Variants in NPSR1 observed in about 807,000 individuals in gnomAD.
NPSR1 encodes the protein neuropeptide S receptor.
Under a neutral mutation model 46.9 loss-of-function variants are expected in NPSR1, and 48 were observed. That is an observed-to-expected ratio of 1.02 (90% CI 0.81 to 1.30). NPSR1 has a LOEUF of 1.30. Ranked by LOEUF, NPSR1 falls within the 50% of genes most tolerant of loss-of-function variation. The probability of loss-of-function intolerance (pLI) is 0.00; values close to 1 mark genes in which losing one functional copy is unlikely to be tolerated. For missense variants in NPSR1, 450 were observed against 449.5 expected, an observed-to-expected ratio of 1.00 and a Z score of -0.01; for synonymous variants, 176 against 168.1, an observed-to-expected ratio of 1.05 and a Z score of -0.36.
At chr7:34,705,709 T>C (rs1794072424) in intron 2 of NPSR1, among the ~76,000 whole-genome samples, 1 of 152,204 alleles carries the variant, frequency 6.6e-6, no homozygotes, top group African/African-American at 2.4e-5. Flanking sequence ...ATCTATCTTC[T>C]TTTTATTGCA....
chr7:34,812,402 G>T (rs944756764), intron 4 of NPSR1, among the ~76,000 whole-genome samples: 1 of 152,186 alleles, frequency 6.6e-6, no homozygotes, highest in African/African-American at 2.4e-5. Flanking sequence ...ATGGGTCAGA[G>T]GGAAGGCTGA....
At chr7:34,797,396 G>A (rs769199626) in intron 3 of NPSR1, among the ~76,000 whole-genome samples, 9 of 152,190 alleles carry the variant, frequency 5.9e-5, no homozygotes, top group Non-Finnish European at 7.3e-5. Context: ...GCATGGAAGC[G>A]TGATGGTGAG....
chr7:34,873,488 G>C (rs945811408), intron 8 of NPSR1, among the ~76,000 whole-genome samples: 4 of 151,722 alleles, frequency 2.6e-5, no homozygotes, highest in African/African-American at 9.8e-5. Context: ...CATGGTGCTG[G>C]CACCCACCTC....
intron 4 of NPSR1, among the ~76,000 whole-genome samples, chr7:34,821,692 G>A (rs1468613080): frequency 1.3e-5 from 2 of 152,156 alleles, no homozygotes; most frequent in Non-Finnish European, 2.9e-5. Flanking sequence ...TTTGCTCGTG[G>A]AAAATATGTC....
At chr7:34,687,708 A>G (rs1793008429) in intron 2 of NPSR1, among the ~76,000 whole-genome samples, 1 of 152,194 alleles carries the variant, frequency 6.6e-6, no homozygotes, top group Non-Finnish European at 1.5e-5. Flanking sequence ...GAGTCAAACC[A>G]TATCATATAT....
intron 3 of NPSR1, among the ~76,000 whole-genome samples, chr7:34,786,810 G>A (rs112070805): frequency 7.2e-5 from 11 of 152,224 alleles, no homozygotes; most frequent in African/African-American, 2.6e-4. Flanking sequence ...TTTTTTCTGA[G>A]CAGTAGATAT....
intron 8 of NPSR1, among the ~76,000 whole-genome samples, chr7:34,858,741 T>A (rs1187466038): frequency 6.6e-6 from 1 of 151,606 alleles, no homozygotes; most frequent in Non-Finnish European, 1.5e-5. Context: ...CCATCAGATC[T>A]CGTAAGACCC....
chr7:34,851,353 G>A (rs1466662646), downstream of NPSR1, among the ~76,000 whole-genome samples: 2 of 150,648 alleles, frequency 1.3e-5, no homozygotes, highest in Non-Finnish European at 3.0e-5. Flanking sequence ...CTGACCTTAG[G>A]GAAAGTATCT....
At chr7:34,839,311 T>G (rs575375089) in intron 6 of NPSR1, among the ~76,000 whole-genome samples, 21 of 152,308 alleles carry the variant, frequency 1.4e-4, no homozygotes, top group Middle Eastern at 3.4e-3. Context: ...ATTGAAACAT[T>G]TTATTGAGCT....
At chr7:34,780,428 CT>C in intron 3 of NPSR1, among the ~76,000 whole-genome samples, 1 of 152,146 alleles carries the variant, frequency 6.6e-6, no homozygotes, top group African/African-American at 2.4e-5. Context: ...TAAAATATAT[CT>C]TTTGACATAG....
intron 2 of NPSR1, among the ~76,000 whole-genome samples, chr7:34,739,695 A>C (rs1016908406): frequency 2.6e-5 from 4 of 152,168 alleles, no homozygotes; most frequent in African/African-American, 9.7e-5. Context: ...CTAGCCACCG[A>C]GCAGGTCTAC....
chr7:34,715,455 C>A (rs917676774), intron 2 of NPSR1, among the ~76,000 whole-genome samples: 9 of 152,234 alleles, frequency 5.9e-5, no homozygotes, highest in African/African-American at 2.2e-4. Flanking sequence ...ACAGAACCTT[C>A]TGTCTGGCCT....
intron 1 of NPSR1, among the ~76,000 whole-genome samples, chr7:34,665,160 C>T (rs888962973): frequency 1.1e-4 from 16 of 152,136 alleles, no homozygotes; most frequent in Non-Finnish European, 2.4e-4. Flanking sequence ...TGATTTTGGT[C>T]TGGATAGGTT....
intron 8 of NPSR1, among the ~76,000 whole-genome samples, chr7:34,868,186 G>A (rs1488147822): frequency 1.3e-5 from 2 of 151,658 alleles, no homozygotes; most frequent in Non-Finnish European, 2.9e-5. Flanking sequence ...GGAATGTGGG[G>A]ATGTAGACCC....
intron 2 of NPSR1, among the ~76,000 whole-genome samples, chr7:34,728,328 C>T (rs1784260342): frequency 6.6e-6 from 1 of 152,168 alleles, no homozygotes; most frequent in Non-Finnish European, 1.5e-5. Flanking sequence ...AGAACATCCT[C>T]CCAATCTATT....
intron 1 of NPSR1, among the ~76,000 whole-genome samples, chr7:34,676,852 G>A (rs1431616322): frequency 6.6e-6 from 1 of 152,070 alleles, no homozygotes; most frequent in Non-Finnish European, 1.5e-5. Context: ...AGTAAGGTGA[G>A]ATTATCTTCC....
chr7:34,683,472 A>C (rs988338742), intron 1 of NPSR1, among the ~76,000 whole-genome samples: 1 of 152,096 alleles, frequency 6.6e-6, no homozygotes, highest in East Asian at 1.9e-4. Context: ...ATTTCTTAGA[A>C]GGACTGTCAG....
intron 2 of NPSR1, among the ~76,000 whole-genome samples, chr7:34,717,783 T>C (rs1783652603): frequency 6.6e-6 from 1 of 152,182 alleles, no homozygotes; most frequent in African/African-American, 2.4e-5. Context: ...AGCTAATCAG[T>C]GTGCAAATTC....
At chr7:34,783,677 A>C (rs980289312) in intron 3 of NPSR1, among the ~76,000 whole-genome samples, 2 of 152,166 alleles carry the variant, frequency 1.3e-5, no homozygotes, top group Non-Finnish European at 2.9e-5. Context: ...GTTTCTAATC[A>C]GATTTAATGA....
Sources: allele counts gnomAD v4.1 joint callset (sites outside exome capture counted in the v4.1 genomes callset), GRCh38; gene constraint gnomAD v4.1.1; transcripts MANE v1.5; gene names NCBI Gene and HGNC (gene_info 2026-07-23, HGNC 2026-07-21).